Variants in DYM observed in about 807,000 individuals in gnomAD.
DYM encodes the protein dyggve-Melchior-Clausen syndrome protein.
In DYM, 78 loss-of-function variants were observed where a neutral mutation model predicts 93.1. That is an observed-to-expected ratio of 0.84 (90% CI 0.70 to 1.01). DYM has a LOEUF of 1.01. DYM is among the 50% of genes least tolerant of loss of function. The probability of loss-of-function intolerance (pLI) is 0.00; values close to 1 mark genes in which losing one functional copy is unlikely to be tolerated. For synonymous variants in DYM, 321 were observed against 319.7 expected (o/e 1.00, Z -0.04); for missense variants, 789 against 845.0 (o/e 0.93, Z 0.82).
chr18:49,152,899 G>T (rs1016341643), intron 15 of DYM, among the ~76,000 whole-genome samples: 1 of 152,110 alleles, frequency 6.6e-6, no homozygotes, highest in Non-Finnish European at 1.5e-5. Flanking sequence ...ATCTCACTTA[G>T]ATGTGAAATC....
At chr18:49,092,048 G>C (rs1245511662) in intron 17 of DYM, among the ~76,000 whole-genome samples, 1 of 152,158 alleles carries the variant, frequency 6.6e-6, no homozygotes, top group African/African-American at 2.4e-5. Flanking sequence ...TTTAATGATG[G>C]TAAGTACTGT....
At chr18:49,405,146 G>T (rs1030609398) in intron 2 of DYM, among the ~76,000 whole-genome samples, 2 of 152,094 alleles carry the variant, frequency 1.3e-5, no homozygotes, top group Admixed American at 6.6e-5. Context: ...CTGGATATTA[G>T]ATGTTTGCTG....
intron 2 of DYM, among the ~76,000 whole-genome samples, chr18:49,399,262 A>G (rs1164931199): frequency 6.6e-6 from 1 of 152,174 alleles, no homozygotes; most frequent in Non-Finnish European, 1.5e-5. Flanking sequence ...TGGAGGAAGT[A>G]ACTATTCTTC....
intron 15 of DYM, among the ~76,000 whole-genome samples, chr18:49,142,433 C>T (rs2084625542): frequency 6.6e-6 from 1 of 152,122 alleles, no homozygotes; most frequent in Non-Finnish European, 1.5e-5. Context: ...GAAGCTTGGA[C>T]ATATGAAGTG....
At position 49,040,643 on chromosome 18, in the gene DYM, A is replaced by C. The variant is rs2070875835; in HGVS notation, c.*3412T>G. 6.6e-6 allele frequency among the ~76,000 whole-genome samples: 1 copy of C among 152,194 alleles called. No individual in the cohort carries two copies. The highest frequency in any genetic ancestry group is 1.5e-5 in the Non-Finnish European group (1 of 68,036). The stretch of plus-strand genomic sequence containing the variant: ...GCCTAATAATCAGTCCCTAAAATCA[A>C]GTGGCAACTACTGATATTGCAGGAT... On this transcript the variant is annotated 3_prime_UTR_variant, in exon 18 of 18. Coordinates refer to ENST00000675505, the MANE Select transcript of DYM (RefSeq NM_001353214.3).
intron 13 of DYM, among the ~76,000 whole-genome samples, chr18:49,225,961 A>G (rs111688208): frequency 4.4e-4 from 67 of 152,256 alleles, no homozygotes; most frequent in African/African-American, 1.4e-3. Context: ...AGGAAAAATC[A>G]TATTATCTCT....
At chr18:49,165,598 T>A (rs2087765658) in intron 14 of DYM, among the ~76,000 whole-genome samples, 1 of 152,052 alleles carries the variant, frequency 6.6e-6, no homozygotes. Context: ...AGGAAAAAAA[T>A]TCCTTAACAT....
chr18:49,072,018 C>A (rs901476699), intron 17 of DYM, among the ~76,000 whole-genome samples: 4 of 152,246 alleles, frequency 2.6e-5, no homozygotes, highest in African/African-American at 9.6e-5. Flanking sequence ...ACTCAACAGA[C>A]TGGCCTACAA....
Position 49,453,233 on chromosome 18 carries a change from C to T in DYM, c.-54+7165G>A, listed in dbSNP as rs192366539. On this transcript the variant is annotated intron_variant, in intron 1 of 17. Coordinates refer to ENST00000675505, the MANE Select transcript of DYM (RefSeq NM_001353214.3). ...TTTTGTGTCGAGCTCAGGGATTGTACACGCACCAATCAGCACCCTGTAAAA... is the reference window on the plus strand; with the variant it reads ...TTTTGTGTCGAGCTCAGGGATTGTATACGCACCAATCAGCACCCTGTAAAA... Among the ~76,000 whole-genome samples the T allele has an allele frequency of 2.5e-4, 37 of 150,108 alleles. 5 individuals carry two copies. Among genetic ancestry groups the T allele is most frequent in the Admixed American group, 9.3e-4 (14 of 15,084 alleles).
intron 3 of DYM, among the ~76,000 whole-genome samples, chr18:49,381,491 G>A (rs28413771): frequency 0.025 from 3,877 of 152,248 alleles, 155 homozygotes; most frequent in African/African-American, 0.087. Flanking sequence ...CTCATGGACC[G>A]GCCACAACAG....
At chr18:49,044,263 TGA>T (rs1170217773) in intron 17 of DYM, 59 bp from the exon 18 acceptor site, 4 of 1,602,568 alleles carry the variant, frequency 2.5e-6, no homozygotes, top group Non-Finnish European at 3.4e-6. Flanking sequence ...GCAAAAGTGG[TGA>T]GAGTTTGCAG....
At chr18:49,312,785 G>C (rs11082748) in intron 8 of DYM, among the ~76,000 whole-genome samples, 1 of 152,034 alleles carries the variant, frequency 6.6e-6, no homozygotes, top group African/African-American at 2.4e-5. Context: ...CCAACTTGCA[G>C]AGTGACTAAG....
intron 16 of DYM, among the ~76,000 whole-genome samples, chr18:49,109,599 T>C (rs2081200280): frequency 6.6e-6 from 1 of 152,184 alleles, no homozygotes; most frequent in Non-Finnish European, 1.5e-5. Context: ...GGGAAGTTTG[T>C]TAGTCACAGC....
rs145999430 is a variant in DYM at position 49,201,471 on chromosome 18, G to A, written c.1625+8080C>T. On this transcript the variant is annotated intron_variant, in intron 14 of 17. Coordinates refer to ENST00000675505, the MANE Select transcript of DYM (RefSeq NM_001353214.3). ...ACAGTCATCAGACGCAGCATGCTTC[G>A]ACCACATCAGTCAGGCTCAAAAGCA... is the stretch of plus-strand genomic sequence containing the variant. 2.1e-4 allele frequency among the ~76,000 whole-genome samples: 32 copies of A among 152,042 alleles called. No individual in the cohort carries two copies. In the East Asian group the frequency reaches 5.6e-3, roughly 27 times the overall value.
intron 17 of DYM, among the ~76,000 whole-genome samples, chr18:49,069,086 A>G (rs2076685062): frequency 6.6e-6 from 1 of 152,234 alleles, no homozygotes; most frequent in Admixed American, 6.5e-5. Flanking sequence ...CCCTCATTTG[A>G]CAACACATTA....
In DYM at chr18:49,430,367, C is replaced by T. The variant is rs1177548570; in HGVS notation, c.28G>A (p.Asp10Asn). 8 of 1,613,822 alleles carry T rather than the reference C, an allele frequency of 5.0e-6. No homozygotes were observed. The highest frequency in any genetic ancestry group is 2.2e-5 in the East Asian group (1 of 44,868). ...TTCAAGTACTCATTTTTAGGAAGAT[C>T]GCCGATTCTGCTGCTATTCGATCCC... MGSNSSRIG[D>N]LPKNEYLKKL... The change falls in exon 2 of 18, where the codon GAT becomes AAT. Residue 10 changes from aspartate (D) to asparagine (N), a missense_variant. Physicochemically the swap from Asp to Asn is conservative, Grantham distance 23 (BLOSUM62 1). Transcript: ENST00000675505.
At chr18:49,067,561 C>T (rs961292484) in intron 17 of DYM, among the ~76,000 whole-genome samples, 4 of 151,978 alleles carry the variant, frequency 2.6e-5, no homozygotes, top group East Asian at 1.9e-4. Flanking sequence ...CTCTGGCCTT[C>T]GCTGGCCCTC....
intron 5 of DYM, among the ~76,000 whole-genome samples, chr18:49,373,799 G>A (rs1262259708): frequency 6.6e-6 from 1 of 152,104 alleles, no homozygotes; most frequent in Admixed American, 6.6e-5. Flanking sequence ...GGTATTGAGT[G>A]GGCTATGCTC....
chr18:49,427,186 T>C (rs1335597421), intron 2 of DYM, among the ~76,000 whole-genome samples: 1 of 152,130 alleles, frequency 6.6e-6, no homozygotes, highest in Non-Finnish European at 1.5e-5. Flanking sequence ...CCAAAAATGA[T>C]TAACCTAAAT....
Sources: gnomAD v4.1 joint callset for allele counts (sites outside exome capture counted in the v4.1 genomes callset) on GRCh38, gnomAD v4.1.1 for gene constraint, MANE v1.5 for transcripts, NCBI Gene and HGNC (gene_info 2026-07-23, HGNC 2026-07-21) for gene names.